DLG2: variants seen among roughly 807,000 people sequenced by gnomAD.
DLG2 encodes disks large homolog 2.
A neutral mutation model predicts 132.5 loss-of-function variants in DLG2; 45 were observed. The ratio of observed to expected loss-of-function variants is 0.34; its 90% CI spans 0.27 to 0.44. DLG2 has a LOEUF of 0.44. Among genes scored for constraint, DLG2 ranks in the 20% least tolerant of loss-of-function variants. The pLI is 1.00. For synonymous variants in DLG2, 424 were observed against 419.6 expected, an observed-to-expected ratio of 1.01 and a Z score of -0.13; for missense variants, 1,045 against 1,196.9, an observed-to-expected ratio of 0.87 and a Z score of 1.87.
intron 18 of DLG2, among the ~76,000 whole-genome samples, chr11:83,737,580 C>A (rs2092067153): frequency 6.6e-6 from 1 of 152,176 alleles, no homozygotes. Context: ...ATTATAAACA[C>A]AGATTGGAAA....
chr11:83,950,305 A>T (rs2085089117), intron 14 of DLG2, among the ~76,000 whole-genome samples: 1 of 152,224 alleles, frequency 6.6e-6, no homozygotes, highest in South Asian at 2.1e-4. Flanking sequence ...TAAAAAATAC[A>T]AGCAAATGGC....
chr11:85,173,432 T>A (rs1206643917), intron 4 of DLG2, among the ~76,000 whole-genome samples: 1 of 152,128 alleles, frequency 6.6e-6, no homozygotes, highest in African/African-American at 2.4e-5. Context: ...CTGATGTAAT[T>A]TATCACCATC....
At chr11:83,911,150 T>C (rs776644884) in intron 15 of DLG2, among the ~76,000 whole-genome samples, 18 of 152,082 alleles carry the variant, frequency 1.2e-4, no homozygotes, top group South Asian at 2.1e-4. Context: ...GATACAGTTA[T>C]GAAAACCAAA....
chr11:85,371,548 C>T (rs952815486), intron 3 of DLG2, among the ~76,000 whole-genome samples: 1 of 152,216 alleles, frequency 6.6e-6, no homozygotes, highest in African/African-American at 2.4e-5. Flanking sequence ...TTTACCAAGG[C>T]TTTGACTGGA....
intron 4 of DLG2, among the ~76,000 whole-genome samples, chr11:85,205,317 T>G (rs2081805154): frequency 6.6e-6 from 1 of 151,846 alleles, no homozygotes; most frequent in South Asian, 2.1e-4. Context: ...TCAACCATAT[T>G]TGGGAGCTAA....
intron 16 of DLG2, among the ~76,000 whole-genome samples, chr11:83,838,792 A>T (rs547439428): frequency 6.6e-6 from 1 of 152,188 alleles, no homozygotes; most frequent in Admixed American, 6.5e-5. Flanking sequence ...GACAAAAAAA[A>T]AAAAGCTGTC....
In DLG2 at chr11:85,522,936, C is replaced by T. The variant is rs150771638; in HGVS notation, c.40+75721G>A. 9.2e-5 allele frequency among the ~76,000 whole-genome samples: 14 copies of T among 152,262 alleles called. No individual in the cohort carries two copies. The South Asian group carries it at 1.2e-3, about 14-fold the overall frequency. Reference sequence around the variant, plus strand: ...GGGTTAATGCTGGAATGAGTTAAGACATTGGGTGACTGTTGGAAAGGCAAG... The same window carrying T: ...GGGTTAATGCTGGAATGAGTTAAGATATTGGGTGACTGTTGGAAAGGCAAG... On this transcript the variant is annotated intron_variant, in intron 3 of 27. Transcript: ENST00000376104.
rs143180188 is a variant in DLG2 at position 85,281,373 on chromosome 11, G to A, written c.186+3847C>T. Among the ~76,000 whole-genome samples, 538 of 152,046 alleles carry A rather than the reference G, an allele frequency of 3.5e-3. 4 individuals are homozygous for A. The highest frequency in any genetic ancestry group is 0.013 in the African/African-American group (528 of 41,524). On this transcript the variant is annotated intron_variant, in intron 4 of 27. Coordinates refer to ENST00000376104, the MANE Select transcript of DLG2 (RefSeq NM_001142699.3). ...GAATCATTGGGTGGCACACTGTAGG[G>A]ACTCCATGAGATTCAAAATAATGAT... is the stretch of plus-strand genomic sequence containing the variant.
intron 6 of DLG2, among the ~76,000 whole-genome samples, chr11:84,765,502 T>A (rs2068280341): frequency 6.6e-6 from 1 of 152,078 alleles, no homozygotes; most frequent in Admixed American, 6.6e-5. Flanking sequence ...TCATGTCCTG[T>A]CACATAGAAA....
At chr11:84,954,844 G>A (rs894900604) in intron 6 of DLG2, among the ~76,000 whole-genome samples, 2 of 152,044 alleles carry the variant, frequency 1.3e-5, no homozygotes, top group African/African-American at 2.4e-5. Flanking sequence ...TATACGCTAG[G>A]CACCGTGCTA....
chr11:84,758,960 C>T (rs1042066557), intron 6 of DLG2, among the ~76,000 whole-genome samples: 3 of 152,128 alleles, frequency 2.0e-5, no homozygotes, highest in Non-Finnish European at 4.4e-5. Context: ...TCACTGAAAC[C>T]TCCACCTCCT....
chr11:84,714,190 AT>A (rs2060756999), intron 6 of DLG2, among the ~76,000 whole-genome samples: 3 of 71,786 alleles, frequency 4.2e-5, no homozygotes, highest in African/African-American at 1.4e-4. Context: ...AAAAAAAAAC[AT>A]ATACCAAAAT....
intron 19 of DLG2, among the ~76,000 whole-genome samples, chr11:83,586,913 C>A (rs139020242): frequency 6.6e-6 from 1 of 152,282 alleles, no homozygotes; most frequent in East Asian, 1.9e-4. Flanking sequence ...TTGTGAAAAT[C>A]GAAGTTGGTA....
intron 4 of DLG2, among the ~76,000 whole-genome samples, chr11:85,231,862 G>A (rs1159623519): frequency 6.6e-6 from 1 of 151,836 alleles, no homozygotes; most frequent in African/African-American, 2.4e-5. Flanking sequence ...ACGTTACCCA[G>A]AACTGTGCAA....
At chr11:85,498,112 C>A (rs1464591042) in intron 3 of DLG2, among the ~76,000 whole-genome samples, 2 of 152,080 alleles carry the variant, frequency 1.3e-5, no homozygotes, top group Non-Finnish European at 2.9e-5. Flanking sequence ...GCTAAATGCC[C>A]CAATTAAAAG....
chr11:85,149,160 T>C (rs1021444517), intron 5 of DLG2, among the ~76,000 whole-genome samples: 1 of 152,198 alleles, frequency 6.6e-6, no homozygotes, highest in Non-Finnish European at 1.5e-5. Flanking sequence ...AGGCTTGTAG[T>C]ATAGTTTGAA....
chr11:85,289,119 G>C (rs748046452), intron 3 of DLG2, among the ~76,000 whole-genome samples: 1 of 152,076 alleles, frequency 6.6e-6, no homozygotes, highest in Non-Finnish European at 1.5e-5. Context: ...AACTACTAGA[G>C]AGGAAGAAAA....
chr11:83,917,668 C>T (rs1044072843), intron 15 of DLG2, among the ~76,000 whole-genome samples: 2 of 152,128 alleles, frequency 1.3e-5, no homozygotes, highest in Admixed American at 1.3e-4. Flanking sequence ...ATCCTTGAGC[C>T]TGAAGAAGAG....
intron 3 of DLG2, among the ~76,000 whole-genome samples, chr11:85,425,203 T>A (rs549537870): frequency 6.6e-6 from 1 of 152,140 alleles, no homozygotes; most frequent in Non-Finnish European, 1.5e-5. Flanking sequence ...TCAAAGAAAA[T>A]GTTGTTAAAT....
Sources: gnomAD v4.1 joint callset for allele counts (sites outside exome capture counted in the v4.1 genomes callset) on GRCh38, gnomAD v4.1.1 for gene constraint, MANE v1.5 for transcripts, NCBI Gene and HGNC (gene_info 2026-07-23, HGNC 2026-07-21) for gene names.